ATG4B: variants seen among roughly 807,000 people sequenced by gnomAD.
ATG4B encodes autophagy related 4B cysteine peptidase, also known as cysteine protease ATG4B.
Under a neutral mutation model 56.6 loss-of-function variants are expected in ATG4B, and 29 were observed. The observed-to-expected ratio is 0.51, with a 90% CI of 0.38 to 0.70. The LOEUF (loss-of-function observed/expected upper bound fraction) is 0.70, where lower values mean the gene tolerates loss of function less well. ATG4B is among the 30% of genes least tolerant of loss of function. The pLI, the probability that ATG4B is intolerant of heterozygous loss-of-function variation, is 0.00. For missense variants in ATG4B, 461 were observed against 515.5 expected (o/e 0.89, Z 1.02); for synonymous variants, 224 against 206.1 (o/e 1.09, Z -0.74).
chr2:241,640,189 T>G (rs541622847), intron 1 of ATG4B, among the ~76,000 whole-genome samples: 9 of 152,362 alleles, frequency 5.9e-5, no homozygotes, highest in African/African-American at 2.2e-4. Context: ...TTATCTTTTA[T>G]TTTCCCTTGA....
chr2:241,657,657 G>A (rs2068450011), intron 6 of ATG4B, among the ~76,000 whole-genome samples: 1 of 152,060 alleles, frequency 6.6e-6, no homozygotes, highest in Admixed American at 6.6e-5. Context: ...CTTTCTTTCA[G>A]TGGGCCCATT....
At chr2:241,653,314 T>C in intron 3 of ATG4B, 198 bp from the exon 4 acceptor site, 1 of 1,548,302 alleles carries the variant, frequency 6.5e-7, no homozygotes, top group Middle Eastern at 1.7e-4. Flanking sequence ...GAGGAGGTTG[T>C]CGGGACATTT....
intron 3 of ATG4B, chr2:241,653,228 G>A: frequency 9.9e-7 from 1 of 1,010,916 alleles, no homozygotes; most frequent in East Asian, 2.8e-5. Flanking sequence ...TGACTTACGG[G>A]GGTCAGTGTC....
At chr2:241,641,730 C>G (rs1015196996) in intron 1 of ATG4B, among the ~76,000 whole-genome samples, 8 of 152,112 alleles carry the variant, frequency 5.3e-5, no homozygotes, top group Admixed American at 3.3e-4. Context: ...AAGAATAAGC[C>G]TGGGCTGGAG....
intron 7 of ATG4B, 24 bp downstream of exon 7, chr2:241,659,211 G>A: frequency 6.9e-6 from 11 of 1,605,308 alleles, no homozygotes; most frequent in Admixed American, 3.3e-5. Flanking sequence ...AGTTTCCATG[G>A]ACAAGAAAGT....
chr2:241,650,877 A>G, intron 1 of ATG4B, 133 bp from the exon 2 acceptor site: 1 of 729,088 alleles, frequency 1.4e-6, no homozygotes, highest in Non-Finnish European at 2.3e-6. Flanking sequence ...GGCCCGAGAT[A>G]CGAGAGGGAG....
In ATG4B at chr2:241,652,878, T is replaced by C. The variant is rs185103435; in HGVS notation, c.185-634T>C. Reference sequence around the variant, plus strand: ...CCTGAATCTCTGCTTCTCACCCTGGTGTGCAGCCACCTAGCAGCCTCTTGT... The same window carrying C: ...CCTGAATCTCTGCTTCTCACCCTGGCGTGCAGCCACCTAGCAGCCTCTTGT... On this transcript the variant is annotated intron_variant, in intron 3 of 12. Coordinates refer to ENST00000404914, the MANE Select transcript of ATG4B (RefSeq NM_013325.5). 1.1e-3 allele frequency among the ~76,000 whole-genome samples: 163 copies of C among 152,366 alleles called. 1 individual carries two copies. Among genetic ancestry groups the C allele is most frequent in the Admixed American group, 2.4e-3 (36 of 15,300 alleles).
chr2:241,637,954 G>A (rs1272592240), intron 1 of ATG4B, among the ~76,000 whole-genome samples: 2 of 151,668 alleles, frequency 1.3e-5, no homozygotes, highest in African/African-American at 4.8e-5. Context: ...CGTCGGTTGC[G>A]CTGGAGCTTC....
chr2:241,641,563 A>G (rs915046387), intron 1 of ATG4B, among the ~76,000 whole-genome samples: 83 of 151,958 alleles, frequency 5.5e-4, no homozygotes, highest in Non-Finnish European at 8.4e-4. Context: ...AAAAAAAAAA[A>G]AAAGAAACTC....
At chr2:241,638,370 A>AAT in intron 1 of ATG4B, 1 of 150,988 alleles carries the variant, frequency 6.6e-6, no homozygotes, top group East Asian at 1.9e-4. Flanking sequence ...AAAGAGAAGG[A>AAT]GTGTGTGTGT....
At chr2:241,671,428 G>A in intron 12 of ATG4B, 23 bp downstream of exon 12, 1 of 1,611,936 alleles carries the variant, frequency 6.2e-7, no homozygotes, top group Non-Finnish European at 8.5e-7. Context: ...AAGTCCAGGT[G>A]GGGTCCCTCG....
intron 7 of ATG4B, among the ~76,000 whole-genome samples, chr2:241,661,844 T>G (rs985415357): frequency 3.3e-5 from 5 of 152,132 alleles, no homozygotes; most frequent in African/African-American, 9.7e-5. Flanking sequence ...GTTGATGGGC[T>G]TAGACCTTTC....
At chr2:241,650,899 C>A (rs1281226249) in intron 1 of ATG4B, 111 bp from the exon 2 acceptor site, 49 of 883,082 alleles carry the variant, frequency 5.5e-5, no homozygotes, top group Non-Finnish European at 8.4e-5. Flanking sequence ...GCTGCTGTTA[C>A]AAGAATTTAC....
intron 12 of ATG4B, chr2:241,671,963 T>C (rs186992751): frequency 0.013 from 17,828 of 1,402,700 alleles, 131 homozygotes; most frequent in Middle Eastern, 0.019. Flanking sequence ...CCTGAGATTG[T>C]GCCGGCCGCC....
intron 11 of ATG4B, 23 bp downstream of exon 11, chr2:241,670,805 C>A (rs765425814): frequency 1.9e-6 from 3 of 1,597,428 alleles, no homozygotes; most frequent in Middle Eastern, 1.7e-4. Context: ...CCCACACCCA[C>A]AGCCGAGCTG....
intron 7 of ATG4B, 152 bp from the exon 8 acceptor site, chr2:241,666,493 C>A: frequency 2.5e-6 from 2 of 810,146 alleles, no homozygotes; most frequent in Non-Finnish European, 3.9e-6. Flanking sequence ...AATTTTCTTA[C>A]GCTTTTCTAT....
At position 241,672,270 on chromosome 2, in the gene ATG4B, C is replaced by T. The variant is rs1300272232; in HGVS notation, c.*6C>T. On this transcript the variant is annotated 3_prime_UTR_variant, in exon 13 of 13. Transcript: ENST00000404914. ...TTGAAATCCTGTCCCTTTGAAAATCCTGGGGTCGGGGGTGGCACCTGTGAG... is the reference window on the plus strand; with the variant it reads ...TTGAAATCCTGTCCCTTTGAAAATCTTGGGGTCGGGGGTGGCACCTGTGAG... 1.3e-6 allele frequency: 2 copies of T among 1,568,938 alleles called. No homozygotes were observed.
In ATG4B at chr2:241,651,403, G is replaced by A. The variant is rs1400989467; in HGVS notation, c.184+68G>A. The A allele has an allele frequency of 4.7e-6, 6 of 1,268,886 alleles. No homozygotes were observed. The highest frequency in any genetic ancestry group is 1.9e-4 in the Middle Eastern group (1 of 5,190). The allele number at this position is 1,268,886 out of a possible 1,614,324, so 78.6% of individuals were successfully genotyped here. On this transcript the variant is annotated intron_variant, in intron 3 of 12. Coordinates refer to ENST00000404914, the MANE Select transcript of ATG4B (RefSeq NM_013325.5). This position sits in a 1 kb window ranked among gnomAD's most constrained non-coding sequence, Gnocchi z 4.1. ...TTAGGAAGGAGGAAAACTTACGCTT[G>A]TAGATTTGACTTCAATATGCCACTG...
At chr2:241,638,660 T>G (rs972994691) in intron 1 of ATG4B, among the ~76,000 whole-genome samples, 1 of 152,220 alleles carries the variant, frequency 6.6e-6, no homozygotes, top group Non-Finnish European at 1.5e-5. Context: ...CAACATAAAT[T>G]TATTAAGATC....
Sources: allele counts gnomAD v4.1 joint callset (sites outside exome capture counted in the v4.1 genomes callset), GRCh38; gene constraint gnomAD v4.1.1; non-coding constraint Gnocchi (gnomAD v3.1); transcripts MANE v1.5; gene names NCBI Gene and HGNC (gene_info 2026-07-23, HGNC 2026-07-21).